The following TCF12 variants were observed in gnomAD, a reference collection of about 807,000 sequenced individuals.
TCF12 encodes the protein DNA-binding protein HTF4.
In TCF12, 45 loss-of-function variants were observed where a neutral mutation model predicts 86.0. That is an observed-to-expected ratio of 0.52 (90% CI 0.41 to 0.67). The LOEUF is 0.67. Among genes scored for constraint, TCF12 ranks in the 30% least tolerant of loss-of-function variants. The pLI is 0.00. For synonymous variants in TCF12, 330 were observed against 299.6 expected (o/e 1.10, Z -1.05); for missense variants, 881 against 859.9 (o/e 1.02, Z -0.31).
intron 3 of TCF12, among the ~76,000 whole-genome samples, chr15:57,059,601 C>T (rs1228907306): frequency 5.3e-5 from 8 of 151,994 alleles, no homozygotes; most frequent in African/African-American, 4.8e-5. Flanking sequence ...TTCATGTCAG[C>T]AGGTTTGTTC....
At chr15:57,218,899 A>G (rs1167233287) in intron 8 of TCF12, 1 of 309,334 alleles carries the variant, frequency 3.2e-6, no homozygotes, top group Non-Finnish European at 4.9e-6. Context: ...TAGCTAGTTA[A>G]GAGGTATTTG....
chr15:56,946,798 C>T (rs560324129), intron 3 of TCF12, among the ~76,000 whole-genome samples: 6 of 113,548 alleles, frequency 5.3e-5, no homozygotes, highest in African/African-American at 1.6e-4. Flanking sequence ...TCTAAAGTAC[C>T]TTTTTTTTTT....
intron 3 of TCF12, among the ~76,000 whole-genome samples, chr15:56,973,829 C>G (rs560525818): frequency 6.6e-6 from 1 of 152,226 alleles, no homozygotes; most frequent in East Asian, 1.9e-4. Flanking sequence ...GACAAGTTGA[C>G]AAGTGTCTCC....
At chr15:57,260,063 A>G in intron 16 of TCF12, among the ~76,000 whole-genome samples, 1 of 152,200 alleles carries the variant, frequency 6.6e-6, no homozygotes, top group East Asian at 1.9e-4. Flanking sequence ...TTAAAGGCTT[A>G]TATTTTTGCT....
chr15:57,231,317 T>C, intron 9 of TCF12, 60 bp downstream of exon 9: 1 of 1,290,182 alleles, frequency 7.8e-7, no homozygotes, highest in Non-Finnish European at 1.1e-6. Flanking sequence ...CAGCCAGTAT[T>C]TTAAAGTATT....
At chr15:56,971,815 A>C (rs2062344874) in intron 3 of TCF12, among the ~76,000 whole-genome samples, 1 of 152,218 alleles carries the variant, frequency 6.6e-6, no homozygotes, top group Non-Finnish European at 1.5e-5. Flanking sequence ...TTGGTTAACC[A>C]AGATCCAAAC....
rs568899282 is a variant in TCF12, at chr15:57,125,627, C to T, written c.325+33736C>T. Among the ~76,000 whole-genome samples the T allele has an allele frequency of 8.8e-4, 134 of 152,302 alleles. 1 individual carries two copies. The highest frequency in any genetic ancestry group is 1.8e-3 in the Non-Finnish European group (124 of 68,030). ...TACTTTATTACTTTGTGACACATAG[C>T]TAATTTCTAGAAAGCAAGAAGTTTT... On this transcript the variant is annotated intron_variant, in intron 5 of 20. Coordinates refer to ENST00000333725, the MANE Select transcript of TCF12 (RefSeq NM_207037.2).
At chr15:57,003,542 AAC>A (rs1368299774) in intron 3 of TCF12, among the ~76,000 whole-genome samples, 1 of 152,204 alleles carries the variant, frequency 6.6e-6, no homozygotes, top group Non-Finnish European at 1.5e-5. Context: ...CATCAACAAA[AAC>A]ACAACAATGC....
At chr15:56,935,171 T>A (rs1312432602) in intron 3 of TCF12, among the ~76,000 whole-genome samples, 4 of 152,218 alleles carry the variant, frequency 2.6e-5, no homozygotes, top group Admixed American at 2.6e-4. Flanking sequence ...GCTTTGCTAC[T>A]GGACATTGCA....
At chr15:57,187,158 G>A (rs1310678439) in intron 6 of TCF12, among the ~76,000 whole-genome samples, 1 of 137,496 alleles carries the variant, frequency 7.3e-6, no homozygotes, top group Non-Finnish European at 1.5e-5. Context: ...CAGCCTGAGT[G>A]AGAGTAAGAC....
At chr15:56,963,584 T>C (rs1159986487) in intron 3 of TCF12, among the ~76,000 whole-genome samples, 1 of 152,290 alleles carries the variant, frequency 6.6e-6, no homozygotes, top group East Asian at 1.9e-4. Flanking sequence ...AAGAGGGAGC[T>C]CTTTGATTAA....
intron 7 of TCF12, among the ~76,000 whole-genome samples, chr15:57,195,006 G>A (rs1340466194): frequency 7.2e-5 from 11 of 152,084 alleles, no homozygotes; most frequent in Non-Finnish European, 1.2e-4. Context: ...GGGCTCAAGC[G>A]AGTCTCCTGC....
intron 8 of TCF12, among the ~76,000 whole-genome samples, chr15:57,200,969 G>T (rs1445300739): frequency 6.6e-6 from 1 of 152,028 alleles, no homozygotes; most frequent in Non-Finnish European, 1.5e-5. Flanking sequence ...GTTTGGAGTG[G>T]GAAATTCGAA....
In TCF12 at chr15:57,001,485, C is replaced by T. The variant is rs150744242; in HGVS notation, c.149-62265C>T. The stretch of plus-strand genomic sequence containing the variant: ...GCTGACATGATTTCTATTTACATTC[C>T]CCAGATTGTCCCCAAAATGTCTTTC... On this transcript the variant is annotated intron_variant, in intron 3 of 20. Transcript: ENST00000333725. 674 of 167,104 alleles carry T rather than the reference C, an allele frequency of 4.0e-3. 7 individuals carry two copies. Among genetic ancestry groups the T allele is most frequent in the Admixed American group, 0.021 (326 of 15,622 alleles). 10.4% of individuals were successfully genotyped at this position (167,104 alleles called of 1,614,324 possible).
At chr15:57,008,191 C>T (rs1359224403) in intron 3 of TCF12, among the ~76,000 whole-genome samples, 1 of 149,938 alleles carries the variant, frequency 6.7e-6, no homozygotes, top group Non-Finnish European at 1.5e-5. Context: ...TGGTTGTGTA[C>T]TCCTGGCATC....
chr15:56,926,688 A>C (rs1455103625), intron 3 of TCF12, among the ~76,000 whole-genome samples: 1 of 152,214 alleles, frequency 6.6e-6, no homozygotes, highest in Admixed American at 6.5e-5. Context: ...GCTCATATTT[A>C]CATATTATTA....
At position 57,218,203 on chromosome 15, in the gene TCF12, A is replaced by T. The variant is rs79335255; in HGVS notation, c.580-12949A>T. Among the ~76,000 whole-genome samples the T allele has an allele frequency of 4.6e-4, 70 of 152,254 alleles. 1 individual carries two copies. The East Asian group carries it at 0.013, about 29-fold the overall frequency. On this transcript the variant is annotated intron_variant, in intron 8 of 20. Coordinates refer to ENST00000333725, the MANE Select transcript of TCF12 (RefSeq NM_207037.2). ...TTTCTGCTTCATGAAAGGTACCTTTAAAAAAAGTGATGTGCCCCCTTTTGC... is the reference window on the plus strand; with the variant it reads ...TTTCTGCTTCATGAAAGGTACCTTTTAAAAAAGTGATGTGCCCCCTTTTGC...
At chr15:56,985,188 C>T (rs535603128) in intron 3 of TCF12, among the ~76,000 whole-genome samples, 34 of 152,240 alleles carry the variant, frequency 2.2e-4, no homozygotes, top group Middle Eastern at 3.4e-3. Context: ...TCTCCAATCC[C>T]GTGTTCTTTG....
chr15:57,112,442 G>GACCGATTGTGCCTGGCCCAGCTGCA (rs2050556015), intron 5 of TCF12, among the ~76,000 whole-genome samples: 1 of 152,142 alleles, frequency 6.6e-6, no homozygotes, highest in Non-Finnish European at 1.5e-5. Flanking sequence ...GTCTAACTGT[G>GACCGATTGTGCCTGGCCCAGCTGCA]ACCGATTGTG....
Sources: gnomAD v4.1 joint callset for allele counts (sites outside exome capture counted in the v4.1 genomes callset) on GRCh38, gnomAD v4.1.1 for gene constraint, MANE v1.5 for transcripts, NCBI Gene and HGNC (gene_info 2026-07-23, HGNC 2026-07-21) for gene names.